LAPTM4B: variants seen among roughly 807,000 people sequenced by gnomAD.
The protein encoded by LAPTM4B is lysosomal-associated transmembrane protein 4B.
A neutral mutation model predicts 28.5 loss-of-function variants in LAPTM4B; 26 were observed. The observed-to-expected ratio is 0.91, with a 90% CI of 0.67 to 1.27. LAPTM4B has a LOEUF of 1.27. Among genes scored for constraint, LAPTM4B ranks in the 50% most tolerant of loss-of-function variants. The pLI is 0.00. For missense variants in LAPTM4B, 288 were observed against 285.8 expected (o/e 1.01, Z -0.06); for synonymous variants, 109 against 106.4 (o/e 1.02, Z -0.15).
In LAPTM4B at chr8:97,812,206, G is replaced by GTTTTTTTT. The variant is rs144651693; in HGVS notation, c.212-3119_212-3112dup. The stretch of plus-strand genomic sequence containing the variant: ...TAAAGGATAAGTAAATTAATTATTT[G>GTTTTTTTT]TTTTTTTTTTGTTGTTTTTTGTTTT... On this transcript the variant is annotated intron_variant, in intron 2 of 6. Transcript: ENST00000521545. Among the ~76,000 whole-genome samples the GTTTTTTTT allele has an allele frequency of 5.5e-4, 43 of 78,354 alleles. 2 individuals are homozygous for GTTTTTTTT. The highest frequency in any genetic ancestry group is 1.2e-3 in the East Asian group (2 of 1,708). 51.4% of individuals were successfully genotyped at this position (78,354 alleles called of 152,430 possible).
At chr8:97,833,382 G>T (rs557648426) in intron 6 of LAPTM4B, among the ~76,000 whole-genome samples, 11 of 152,068 alleles carry the variant, frequency 7.2e-5, no homozygotes, top group Admixed American at 3.3e-4. Flanking sequence ...TAACAAAATG[G>T]TATTGTTATT....
chr8:97,788,916 G>A (rs1220677079), intron 1 of LAPTM4B, among the ~76,000 whole-genome samples: 1 of 151,636 alleles, frequency 6.6e-6, no homozygotes, highest in Non-Finnish European at 1.5e-5. Flanking sequence ...GGTTGGTCTC[G>A]AACTCCTGAC....
At chr8:97,785,412 C>A (rs982091310) in intron 1 of LAPTM4B, among the ~76,000 whole-genome samples, 31 of 152,094 alleles carry the variant, frequency 2.0e-4, no homozygotes, top group Non-Finnish European at 1.9e-4. Context: ...GACAAGGTGG[C>A]CAATAAATAA....
chr8:97,839,376 A>G (rs1438854147), intron 6 of LAPTM4B, among the ~76,000 whole-genome samples: 2 of 152,040 alleles, frequency 1.3e-5, no homozygotes, highest in African/African-American at 2.4e-5. Context: ...TATTTTTAGT[A>G]GAGACGGGGT....
chr8:97,796,448 C>G (rs1816585158), intron 1 of LAPTM4B, among the ~76,000 whole-genome samples: 2 of 152,234 alleles, frequency 1.3e-5, no homozygotes, highest in Admixed American at 1.3e-4. Flanking sequence ...CTTGTTATAT[C>G]TATTTCCAGG....
chr8:97,775,802 A>G lies in LAPTM4B; in HGVS notation c.-208A>G. ...GCCCCCTCCCCGTCCCCGCCGCTGC[A>G]GCGGTCGCCTTCGGAGCGAAGGGTA... On this transcript the variant is annotated 5_prime_UTR_variant, in exon 1 of 7. Coordinates refer to ENST00000521545, the MANE Select transcript of LAPTM4B (RefSeq NM_018407.6). 7.6e-6 allele frequency: 12 copies of G among 1,574,392 alleles called. No homozygotes were observed. The South Asian group carries it at 1.1e-4, about 15-fold the overall frequency.
intron 6 of LAPTM4B, among the ~76,000 whole-genome samples, chr8:97,837,497 A>G (rs1817280314): frequency 6.6e-6 from 1 of 152,126 alleles, no homozygotes; most frequent in South Asian, 2.1e-4. Context: ...ACTTCCGAGT[A>G]TAGTTTGGAT....
intron 2 of LAPTM4B, among the ~76,000 whole-genome samples, chr8:97,814,200 G>A (rs932716085): frequency 6.6e-6 from 1 of 152,084 alleles, no homozygotes; most frequent in Non-Finnish European, 1.5e-5. Flanking sequence ...ATTTACCAGA[G>A]ATTGACTAAA....
At chr8:97,798,019 T>C (rs1816617318) in intron 1 of LAPTM4B, among the ~76,000 whole-genome samples, 1 of 91,974 alleles carries the variant, frequency 1.1e-5, no homozygotes, top group Admixed American at 9.6e-5. Context: ...TTAGCTGAAT[T>C]AGAGCATAAG....
chr8:97,812,971 C>A (rs1262917036), intron 2 of LAPTM4B, among the ~76,000 whole-genome samples: 1 of 152,210 alleles, frequency 6.6e-6, no homozygotes, highest in African/African-American at 2.4e-5. Context: ...CATTTCCCTA[C>A]TTTGCCTACA....
At chr8:97,783,515 A>G (rs540305224) in intron 1 of LAPTM4B, among the ~76,000 whole-genome samples, 1 of 152,272 alleles carries the variant, frequency 6.6e-6, no homozygotes, top group African/African-American at 2.4e-5. Context: ...CTTTAGGGAA[A>G]ATCTGCATTA....
chr8:97,839,237 C>G (rs1261442747), intron 6 of LAPTM4B, among the ~76,000 whole-genome samples: 1 of 152,110 alleles, frequency 6.6e-6, no homozygotes, highest in Non-Finnish European at 1.5e-5. Flanking sequence ...TCTTGTTGCC[C>G]AGGCTGGAGT....
At chr8:97,789,344 G>A (rs1816461685) in intron 1 of LAPTM4B, among the ~76,000 whole-genome samples, 1 of 149,808 alleles carries the variant, frequency 6.7e-6, no homozygotes, top group African/African-American at 2.5e-5. Context: ...AAAGTGCTGG[G>A]ATTACAAGTG....
chr8:97,801,401 C>G (rs1327532802), intron 1 of LAPTM4B, among the ~76,000 whole-genome samples: 1 of 152,062 alleles, frequency 6.6e-6, no homozygotes, highest in Non-Finnish European at 1.5e-5. Flanking sequence ...AAACTGGTCT[C>G]AAACTCCTGA....
chr8:97,807,161 A>G (rs1001743489), intron 2 of LAPTM4B, among the ~76,000 whole-genome samples: 9 of 152,202 alleles, frequency 5.9e-5, no homozygotes, highest in Non-Finnish European at 1.3e-4. Flanking sequence ...GAGTTCTGAC[A>G]CCGCCGTGTG....
chr8:97,796,754 A>C (rs1451132307), intron 1 of LAPTM4B, among the ~76,000 whole-genome samples: 1 of 152,032 alleles, frequency 6.6e-6, no homozygotes, highest in Admixed American at 6.6e-5. Context: ...AGTCTGGCCA[A>C]CATGGTAAAA....
At chr8:97,850,867 T>C (rs1270791457) in intron 6 of LAPTM4B, among the ~76,000 whole-genome samples, 2 of 150,524 alleles carry the variant, frequency 1.3e-5, no homozygotes, top group Non-Finnish European at 2.9e-5. Context: ...AAAGCCGAAA[T>C]CAGCCAGTGT....
chr8:97,787,050 T>C (rs1816414557), intron 1 of LAPTM4B, among the ~76,000 whole-genome samples: 1 of 152,076 alleles, frequency 6.6e-6, no homozygotes, highest in South Asian at 2.1e-4. Context: ...CATGGATTCC[T>C]TCTCTGGGTT....
intron 5 of LAPTM4B, among the ~76,000 whole-genome samples, chr8:97,820,134 G>GC (rs1003723446): frequency 6.6e-6 from 1 of 152,120 alleles, no homozygotes; most frequent in Non-Finnish European, 1.5e-5. Flanking sequence ...ACTTCCTGCA[G>GC]CAGTGCCTCA....
Sources: allele counts gnomAD v4.1 joint callset (sites outside exome capture counted in the v4.1 genomes callset), GRCh38; gene constraint gnomAD v4.1.1; transcripts MANE v1.5; gene names NCBI Gene and HGNC (gene_info 2026-07-23, HGNC 2026-07-21).